Variants in PROCR observed in about 807,000 individuals in gnomAD.
PROCR encodes endothelial protein C receptor.
PROCR carries 22 observed loss-of-function variants against 24.2 expected under a neutral mutation model. The ratio of observed to expected loss-of-function variants is 0.91; its 90% CI spans 0.65 to 1.30. PROCR has a LOEUF of 1.30. Among genes scored for constraint, PROCR ranks in the 50% most tolerant of loss-of-function variants. The pLI is 0.00. For synonymous variants in PROCR, 137 were observed against 139.2 expected (o/e 0.98, Z 0.11); for missense variants, 288 against 307.7 (o/e 0.94, Z 0.48).
rs575905249 is a variant in PROCR at position 35,199,120 on chromosome 20, G to A, written c.95-16773G>A. Among the ~76,000 whole-genome samples, 29 of 152,298 alleles carry A rather than the reference G, an allele frequency of 1.9e-4. 1 individual carries two copies. In the South Asian group the frequency reaches 5.8e-3, roughly 31 times the overall value. On this transcript the variant is annotated intron_variant, in intron 1 of 1. Coordinates refer to the PROCR transcript ENST00000634509. ...GGGATAATGCAGCTGGTGATTTTAA[G>A]TTGAAGCCAATGTCCATGTACCATT...
intron 1 of PROCR, among the ~76,000 whole-genome samples, chr20:35,212,190 G>C (rs943598669): frequency 6.6e-6 from 1 of 152,122 alleles, no homozygotes; most frequent in African/African-American, 2.4e-5. Flanking sequence ...TTATTTATTG[G>C]CAGGCGTGTA....
chr20:35,176,136 A>C (rs764329755), intron 2 of PROCR, 32 bp from the exon 3 acceptor site: 1 of 1,603,456 alleles, frequency 6.2e-7, no homozygotes, highest in Non-Finnish European at 8.5e-7. Context: ...CCCTCTCTGC[A>C]CAGTCCCCTG....
chr20:35,210,431 C>T (rs1044501712), intron 1 of PROCR, among the ~76,000 whole-genome samples: 2 of 150,082 alleles, frequency 1.3e-5, no homozygotes, highest in Middle Eastern at 3.6e-3. Context: ...CCTGTAGTCT[C>T]AGCTACTTGG....
Position 35,196,467 on chromosome 20 carries a change from G to A in PROCR, c.95-19426G>A, listed in dbSNP as rs1291531157. 2.0e-5 allele frequency among the ~76,000 whole-genome samples: 3 copies of A among 152,070 alleles called. No homozygotes were observed. The East Asian group carries it at 5.8e-4, about 29-fold the overall frequency. On this transcript the variant is annotated intron_variant, in intron 1 of 1. Transcript: ENST00000634509. The stretch of plus-strand genomic sequence containing the variant: ...CCAAATATTAGGAAAAAAATTTTAA[G>A]AGTAGCCACCAAAAAATCACATGTT...
At chr20:35,183,849 T>C (rs1781362669) in intron 1 of PROCR, among the ~76,000 whole-genome samples, 1 of 152,132 alleles carries the variant, frequency 6.6e-6, no homozygotes, top group Admixed American at 6.6e-5. Flanking sequence ...AATAAGCACA[T>C]GAAAAGATGC....
At chr20:35,187,353 C>T (rs1436360681) in intron 1 of PROCR, among the ~76,000 whole-genome samples, 1 of 152,196 alleles carries the variant, frequency 6.6e-6, no homozygotes, top group East Asian at 1.9e-4. Flanking sequence ...TGAGCCACCA[C>T]ACCTGGCCTG....
chr20:35,182,973 CAAAAAAAAAAAAAAA>C (rs71333786), intron 1 of PROCR, among the ~76,000 whole-genome samples: 2 of 110,770 alleles, frequency 1.8e-5, no homozygotes, highest in Non-Finnish European at 3.9e-5. Context: ...GACTCCGTCT[CAAAAAAAAAAAAAAA>C]AAAAAAAAAA....
intron 1 of PROCR, chr20:35,195,212 C>G (rs573349127): frequency 7.2e-5 from 11 of 152,132 alleles, no homozygotes; most frequent in African/African-American, 2.6e-4. Flanking sequence ...ATGGAGATAA[C>G]AGATGGATGA....
chr20:35,180,999 T>G (rs1040614984), downstream of PROCR, among the ~76,000 whole-genome samples: 2 of 152,086 alleles, frequency 1.3e-5, no homozygotes, highest in South Asian at 4.1e-4. Flanking sequence ...CCCGAGTAGC[T>G]GGGATTACAG....
At chr20:35,204,348 TCCTC>T (rs1236742255) in intron 1 of PROCR, among the ~76,000 whole-genome samples, 18 of 150,240 alleles carry the variant, frequency 1.2e-4, no homozygotes, top group Non-Finnish European at 2.4e-4. Flanking sequence ...TTTCCTTCCT[TCCTC>T]CCTCCCTCCC....
At chr20:35,184,590 C>G (rs2086106903) in intron 1 of PROCR, among the ~76,000 whole-genome samples, 1 of 152,142 alleles carries the variant, frequency 6.6e-6, no homozygotes, top group African/African-American at 2.4e-5. Flanking sequence ...GTCCCAGCCA[C>G]TCAGAAGGCT....
chr20:35,190,890 T>C lies in PROCR; in HGVS notation c.94+14444T>C, dbSNP rs1289321434. Among the ~76,000 whole-genome samples, 5 of 152,266 alleles carry C rather than the reference T, an allele frequency of 3.3e-5. No homozygotes were observed. In the East Asian group the frequency reaches 9.6e-4, roughly 29 times the overall value. ...TTTCTTCTTTTTTTGAGACAGAGTCTCGCTCCGTCGCCAGGCTGGAGTGCA... is the reference window on the plus strand; with the variant it reads ...TTTCTTCTTTTTTTGAGACAGAGTCCCGCTCCGTCGCCAGGCTGGAGTGCA... On this transcript the variant is annotated intron_variant, in intron 1 of 1. Transcript: ENST00000634509.
intron 1 of PROCR, among the ~76,000 whole-genome samples, chr20:35,196,695 C>T (rs1600747662): frequency 6.6e-6 from 1 of 152,202 alleles, no homozygotes; most frequent in African/African-American, 2.4e-5. Flanking sequence ...GAATTTGTCT[C>T]CAGAACACCT....
intron 1 of PROCR, among the ~76,000 whole-genome samples, chr20:35,194,808 G>C (rs2086202455): frequency 6.6e-6 from 1 of 152,060 alleles, no homozygotes; most frequent in Non-Finnish European, 1.5e-5. Flanking sequence ...GTGAGACAAA[G>C]CTTGTAGTCT....
chr20:35,189,957 C>T (rs554915354), intron 1 of PROCR, among the ~76,000 whole-genome samples: 37 of 152,236 alleles, frequency 2.4e-4, no homozygotes, highest in African/African-American at 7.9e-4. Context: ...AATAATCCCT[C>T]GCCTTTTTGT....
At chr20:35,201,934 G>GTT (rs1217188123) in intron 1 of PROCR, 1 of 151,842 alleles carries the variant, frequency 6.6e-6, no homozygotes, top group Admixed American at 6.6e-5. Context: ...AGAACTAAAA[G>GTT]AGATATGGAA....
chr20:35,185,761 A>C (rs2086120244), intron 1 of PROCR, among the ~76,000 whole-genome samples: 1 of 152,178 alleles, frequency 6.6e-6, no homozygotes, highest in African/African-American at 2.4e-5. Context: ...GTGAGGGATA[A>C]AAGACTACAA....
chr20:35,181,431 C>T (rs894269044), downstream of PROCR, among the ~76,000 whole-genome samples: 5 of 151,742 alleles, frequency 3.3e-5, no homozygotes, highest in South Asian at 2.1e-4. Context: ...TGTGCCACCA[C>T]GCCCGGCTAA....
At chr20:35,212,931 C>A (rs2060367633) in intron 1 of PROCR, among the ~76,000 whole-genome samples, 1 of 152,148 alleles carries the variant, frequency 6.6e-6, no homozygotes, top group Non-Finnish European at 1.5e-5. Flanking sequence ...TAGTATCCAA[C>A]CTTTTGGTAT....
Sources: gnomAD v4.1 joint callset for allele counts (sites outside exome capture counted in the v4.1 genomes callset) on GRCh38, gnomAD v4.1.1 for gene constraint, MANE v1.5 for transcripts, NCBI Gene and HGNC (gene_info 2026-07-23, HGNC 2026-07-21) for gene names.